The following PCDHA11 variants were observed in gnomAD, a reference collection of about 807,000 sequenced individuals.
PCDHA11 encodes protocadherin alpha 11.
Under a neutral mutation model 70.3 loss-of-function variants are expected in PCDHA11, and 61 were observed. The observed-to-expected ratio is 0.87, with a 90% CI of 0.71 to 1.07. The LOEUF (loss-of-function observed/expected upper bound fraction) is 1.07, where lower values mean the gene tolerates loss of function less well. Ranked by LOEUF, PCDHA11 falls within the 50% of genes least tolerant of loss-of-function variation. PCDHA11 has a pLI of 0.00. For synonymous variants in PCDHA11, 633 were observed against 555.1 expected (o/e 1.14, Z -1.97); for missense variants, 1,324 against 1,237.5 (o/e 1.07, Z -1.05).
In PCDHA11 at chr5:140,904,302, A is replaced by C. The variant is rs553969479; in HGVS notation, c.2391+32808A>C. Among the ~76,000 whole-genome samples, 22 of 151,950 alleles carry C rather than the reference A, an allele frequency of 1.4e-4. No individual in the cohort carries two copies. In the East Asian group the frequency reaches 3.9e-3, roughly 27 times the overall value. On this transcript the variant is annotated intron_variant, in intron 1 of 3. Transcript: ENST00000398640. ...TGTGGTGTTTGGTTTTCCATTCCTG[A>C]GTTTCTTCACTTAGAATAATGGTCT...
chr5:141,001,022 T>C (rs2097984457), intron 3 of PCDHA11, among the ~76,000 whole-genome samples: 1 of 152,250 alleles, frequency 6.6e-6, no homozygotes, highest in Non-Finnish European at 1.5e-5. Context: ...TATACACTTA[T>C]AATAATAGCT....
In PCDHA11 at chr5:140,927,058, C is replaced by G. The variant is rs376173105; in HGVS notation, c.2392-51891C>G. ...GGCCGCTATGTCCTCGCGGAACTTT[C>G]GCTTCCTTTCCAGCCACCGCGAGCT... On this transcript the variant is annotated intron_variant, in intron 1 of 3. Coordinates refer to ENST00000398640, the MANE Select transcript of PCDHA11 (RefSeq NM_018902.5). 17 of 1,611,136 alleles carry G rather than the reference C, an allele frequency of 1.1e-5. No homozygotes were observed. The South Asian group carries it at 1.2e-4, about 11-fold the overall frequency.
intron 2 of PCDHA11, among the ~76,000 whole-genome samples, chr5:140,980,920 A>T (rs1040099192): frequency 1.3e-5 from 2 of 152,166 alleles, no homozygotes; most frequent in African/African-American, 4.8e-5. Context: ...TCTTTAAAAA[A>T]TTCTGCTTTG....
At chr5:140,982,453 C>T (rs1554244194) in intron 2 of PCDHA11, 22 bp from the exon 3 acceptor site, 5 of 1,613,812 alleles carry the variant, frequency 3.1e-6, no homozygotes, top group African/African-American at 1.3e-5. Context: ...TAACCGTTAT[C>T]TGGGTCTGTG....
chr5:140,885,053 A>T (rs2060447405), intron 1 of PCDHA11, among the ~76,000 whole-genome samples: 1 of 152,248 alleles, frequency 6.6e-6, no homozygotes, highest in African/African-American at 2.4e-5. Flanking sequence ...ATGTATACAT[A>T]TACCCACAAG....
chr5:140,986,634 A>C (rs1587175680), intron 3 of PCDHA11, among the ~76,000 whole-genome samples: 3 of 152,202 alleles, frequency 2.0e-5, no homozygotes, highest in South Asian at 2.1e-4. Flanking sequence ...GCAACAGTAC[A>C]TTAGTTTTAG....
intron 3 of PCDHA11, among the ~76,000 whole-genome samples, chr5:140,995,648 G>A (rs548703031): frequency 1.3e-5 from 2 of 152,248 alleles, no homozygotes; most frequent in South Asian, 2.1e-4. Flanking sequence ...TAGAAAAGGA[G>A]AATCGAAAAG....
intron 1 of PCDHA11, chr5:140,882,641 G>A (rs1464189390): frequency 6.2e-7 from 1 of 1,614,104 alleles, no homozygotes; most frequent in Non-Finnish European, 8.5e-7. Context: ...GAAGGTGAGG[G>A]ACATTAACGA....
At chr5:141,000,391 CTCTCTATATATA>C (rs1452985170) in intron 3 of PCDHA11, among the ~76,000 whole-genome samples, 26 of 56,648 alleles carry the variant, frequency 4.6e-4, no homozygotes, top group Middle Eastern at 0.011. Flanking sequence ...CTCTCTCTCT[CTCTCTATATATA>C]TATATATATA....
chr5:140,918,918 C>T (rs1338973615), intron 1 of PCDHA11, among the ~76,000 whole-genome samples: 1 of 152,224 alleles, frequency 6.6e-6, no homozygotes, highest in Non-Finnish European at 1.5e-5. Context: ...ATTAACTACA[C>T]AGCATATGGC....
chr5:140,889,077 T>G (rs1476404733), intron 1 of PCDHA11, among the ~76,000 whole-genome samples: 1 of 152,076 alleles, frequency 6.6e-6, no homozygotes, highest in Non-Finnish European at 1.5e-5. Flanking sequence ...CTTATTTTGT[T>G]AAATTTTCAA....
At chr5:140,989,970 A>C (rs2097368842) in intron 3 of PCDHA11, among the ~76,000 whole-genome samples, 1 of 152,136 alleles carries the variant, frequency 6.6e-6, no homozygotes, top group Non-Finnish European at 1.5e-5. Flanking sequence ...GAGCTTCCTC[A>C]GCAACAGCCC....
chr5:140,910,411 A>C (rs1554194248), intron 1 of PCDHA11, among the ~76,000 whole-genome samples: 2 of 152,062 alleles, frequency 1.3e-5, no homozygotes, highest in African/African-American at 4.8e-5. Flanking sequence ...CCACCTCGAG[A>C]TCCAATTATT....
At chr5:140,922,825 C>T (rs1554200979) in intron 1 of PCDHA11, among the ~76,000 whole-genome samples, 1 of 152,178 alleles carries the variant, frequency 6.6e-6, no homozygotes, top group Non-Finnish European at 1.5e-5. Context: ...CAGCATACTG[C>T]TAATAGATGT....
At position 140,870,851 on chromosome 5, in the gene PCDHA11, C is replaced by T; in HGVS notation, c.1748C>T (p.Ser583Leu). 6.2e-7 allele frequency: 1 copy of T among 1,613,838 alleles called. No individual in the cohort carries two copies. The highest frequency in any genetic ancestry group is 8.5e-7 in the Non-Finnish European group (1 of 1,179,894). ...GCAGTTAACAAGCTAGTACCGCGGT[C>T]GGTGGGTGCGGGCCACGTGGTGGCG... is the stretch of plus-strand genomic sequence containing the variant. ...GGAVNKLVPR[S>L]VGAGHVVAKV... Residue 583 changes from serine (S) to leucine (L), a missense_variant, in exon 1 of 4, where the codon TCG becomes TTG. Coordinates refer to ENST00000398640, the MANE Select transcript of PCDHA11 (RefSeq NM_018902.5).
At chr5:140,972,101 A>C (rs114554334) in intron 1 of PCDHA11, among the ~76,000 whole-genome samples, 3,080 of 152,290 alleles carry the variant, frequency 0.02, 42 homozygotes, top group Middle Eastern at 0.075. Flanking sequence ...CTGGCATAGA[A>C]GCAGGTAACA....
At position 140,870,543 on chromosome 5, in the gene PCDHA11, C is replaced by T. The variant is rs1554164396; in HGVS notation, c.1440C>T (p.Asp480=). ...ACATCTTCACAGTGTCGGCGCGGGA[C>T]GCGGACGCGCAGGAGAACGCGCTGG... ...GCHIFTVSAR[D]ADAQENALVS... Residue 480 remains aspartate (D), a synonymous_variant, in exon 1 of 4, where the codon GAC becomes GAT. Transcript: ENST00000398640. 6 of 1,614,114 alleles carry T rather than the reference C, an allele frequency of 3.7e-6. No individual in the cohort carries two copies. Among genetic ancestry groups the T allele is most frequent in the South Asian group, 1.1e-5 (1 of 91,080 alleles).
chr5:140,951,716 C>T (rs2094623458), intron 1 of PCDHA11, among the ~76,000 whole-genome samples: 1 of 152,102 alleles, frequency 6.6e-6, no homozygotes, highest in South Asian at 2.1e-4. Flanking sequence ...GGACACAGAT[C>T]CAAACCATGT....
At chr5:140,929,410 C>G (rs2086136493) in intron 1 of PCDHA11, 1 of 1,505,808 alleles carries the variant, frequency 6.6e-7, no homozygotes, top group Non-Finnish European at 8.9e-7. Context: ...ACAAGCCTTT[C>G]ACAACATTTC....
Sources: allele counts gnomAD v4.1 joint callset (sites outside exome capture counted in the v4.1 genomes callset), GRCh38; gene constraint gnomAD v4.1.1; transcripts MANE v1.5; gene names NCBI Gene and HGNC (gene_info 2026-07-23, HGNC 2026-07-21).